The following RRN3 variants were observed in gnomAD, a reference collection of about 807,000 sequenced individuals.
RRN3 encodes the protein RNA polymerase I transcription factor RRN3.
A neutral mutation model predicts 82.3 loss-of-function variants in RRN3; 38 were observed. The observed-to-expected ratio is 0.46, with a 90% CI of 0.36 to 0.61. The LOEUF (loss-of-function observed/expected upper bound fraction) is 0.61, where lower values mean the gene tolerates loss of function less well. Ranked by LOEUF, RRN3 falls within the 20% of genes least tolerant of loss-of-function variation. The pLI is 0.00. For missense variants in RRN3, 726 were observed against 793.1 expected (o/e 0.92, Z 1.02); for synonymous variants, 284 against 284.3 (o/e 1.00, Z 0.01).
chr16:15,092,450 C>T, intron 2 of RRN3, 59 bp downstream of exon 2: 2 of 1,002,636 alleles, frequency 2.0e-6, no homozygotes, highest in Non-Finnish European at 3.2e-6. Flanking sequence ...TTTAGTATAA[C>T]AGCAATAGTT....
At chr16:15,094,116 TA>T in intron 1 of RRN3, 28 bp downstream of exon 1, 1 of 1,566,532 alleles carries the variant, frequency 6.4e-7, no homozygotes, top group Non-Finnish European at 8.7e-7. Flanking sequence ...TCGTCCCAGA[TA>T]CGCAGAAGGA....
At chr16:15,071,355 C>T in intron 12 of RRN3, 104 bp from the exon 13 acceptor site, 3 of 1,075,308 alleles carry the variant, frequency 2.8e-6, no homozygotes, top group South Asian at 3.2e-5. Flanking sequence ...AAAAGTTCTA[C>T]TATCTCATAA....
intron 1 of RRN3, chr16:15,093,837 G>T (rs1598030329): frequency 2.3e-6 from 1 of 426,648 alleles, no homozygotes; most frequent in Non-Finnish European, 4.2e-6. Flanking sequence ...TCCAAATTTG[G>T]ACGAAGAAGA....
In RRN3 at chr16:15,073,015, G is replaced by A. The variant is rs761752259; in HGVS notation, c.1063C>T (p.Leu355=). The A allele has an allele frequency of 3.3e-5, 53 of 1,613,302 alleles. No homozygotes were observed. The highest frequency in any genetic ancestry group is 4.2e-5 in the Non-Finnish European group (49 of 1,179,854). ...TGGCAGGAGGCATGGGTGGGCAACA[G>A]GAGTTTGTCAAAGATGTTTATCAGG... The part of the protein sequence containing the change: ...RDLINIFDKL[L]LPTHASCHVQ... Residue 355 remains leucine, a synonymous_variant, in exon 12 of 18, where the codon CTG becomes TTG. Coordinates refer to ENST00000198767, the MANE Select transcript of RRN3 (RefSeq NM_018427.5).
chr16:15,084,200 C>A (rs1250865785), intron 7 of RRN3, among the ~76,000 whole-genome samples: 1 of 152,144 alleles, frequency 6.6e-6, no homozygotes, highest in African/African-American at 2.4e-5. Context: ...AAGAAAAAAT[C>A]ATCAAGTTGG....
intron 14 of RRN3, among the ~76,000 whole-genome samples, chr16:15,069,237 C>T (rs1194763250): frequency 6.6e-6 from 1 of 152,062 alleles, no homozygotes; most frequent in Non-Finnish European, 1.5e-5. Context: ...TGGTCGGGGA[C>T]TGCTGTTGGC....
intron 12 of RRN3, among the ~76,000 whole-genome samples, chr16:15,072,691 G>A (rs1469775651): frequency 1.3e-5 from 2 of 152,138 alleles, no homozygotes; most frequent in Non-Finnish European, 2.9e-5. Flanking sequence ...CAGCTATCGA[G>A]AGGGTAAGGA....
chr16:15,072,872 G>A (rs1177701851), intron 12 of RRN3, 78 bp downstream of exon 12: 12 of 1,434,482 alleles, frequency 8.4e-6, no homozygotes, highest in African/African-American at 5.7e-5. Context: ...CATGGTCTCC[G>A]TCCACCCCAG....
At chr16:15,080,384 TAA>T (rs2045648620) in intron 8 of RRN3, among the ~76,000 whole-genome samples, 1 of 152,244 alleles carries the variant, frequency 6.6e-6, no homozygotes, top group African/African-American at 2.4e-5. Flanking sequence ...GTATACAATT[TAA>T]GTTTTTAATA....
In RRN3 at chr16:15,067,002, G is replaced by C. The variant is rs1323207468; in HGVS notation, c.1553+1167C>G. Among the ~76,000 whole-genome samples, 3 of 149,934 alleles carry C rather than the reference G, an allele frequency of 2.0e-5. 1 individual carries two copies. Among genetic ancestry groups the C allele is most frequent in the Admixed American group, 6.7e-5 (1 of 14,952 alleles). ...TACCAGGGGCAGCGGCCTCTGCTTT[G>C]CTTCATCCATCCTCACTCTTTGAGC... On this transcript the variant is annotated intron_variant, in intron 15 of 17. Coordinates refer to ENST00000198767, the MANE Select transcript of RRN3 (RefSeq NM_018427.5).
At chr16:15,088,398 T>G (rs1210097852) in intron 3 of RRN3, among the ~76,000 whole-genome samples, 2 of 151,492 alleles carry the variant, frequency 1.3e-5, no homozygotes, top group Non-Finnish European at 2.9e-5. Context: ...GCCTGGGAGG[T>G]TGAGGCTGCA....
intron 8 of RRN3, 107 bp from the exon 9 acceptor site, chr16:15,080,203 G>GA (rs1437514149): frequency 5.9e-6 from 8 of 1,356,226 alleles, no homozygotes; most frequent in South Asian, 4.8e-5. Context: ...TATTTAAAAA[G>GA]AAAAAAACAG....
At chr16:15,083,248 A>T (rs1567214777) in intron 8 of RRN3, among the ~76,000 whole-genome samples, 1 of 151,976 alleles carries the variant, frequency 6.6e-6, no homozygotes, top group African/African-American at 2.4e-5. Context: ...AAAATACAAA[A>T]ATTAGCTGGG....
At chr16:15,068,308 A>G in intron 14 of RRN3, 31 bp from the exon 15 acceptor site, 1 of 1,564,872 alleles carries the variant, frequency 6.4e-7, no homozygotes, top group Admixed American at 2.1e-5. Flanking sequence ...AGATTTTTTT[A>G]AAGGTACAAA....
At chr16:15,071,960 C>T (rs946182380) in intron 12 of RRN3, among the ~76,000 whole-genome samples, 1 of 152,148 alleles carries the variant, frequency 6.6e-6, no homozygotes, top group African/African-American at 2.4e-5. Context: ...GTGCAAAGCA[C>T]CTTCCGGTCT....
chr16:15,092,962 T>C (rs935840982), intron 1 of RRN3, among the ~76,000 whole-genome samples: 2 of 152,170 alleles, frequency 1.3e-5, no homozygotes, highest in Non-Finnish European at 2.9e-5. Context: ...TTTCACTTAC[T>C]GTTCACTCTA....
At chr16:15,083,797 A>C (rs1597974183) in intron 7 of RRN3, 1 of 457,846 alleles carries the variant, frequency 2.2e-6, no homozygotes, top group Non-Finnish European at 3.9e-6. Flanking sequence ...GCTCACTGCA[A>C]CCTCCGCCTC....
intron 11 of RRN3, among the ~76,000 whole-genome samples, chr16:15,073,372 G>A (rs76056577): frequency 2.2e-4 from 34 of 152,270 alleles, no homozygotes; most frequent in Middle Eastern, 3.4e-3. Context: ...CGGATGAACC[G>A]CTTGAGCCCA....
At chr16:15,077,725 C>T (rs2045522980) in intron 9 of RRN3, among the ~76,000 whole-genome samples, 1 of 152,196 alleles carries the variant, frequency 6.6e-6, no homozygotes, top group Non-Finnish European at 1.5e-5. Flanking sequence ...CCTGTAATCC[C>T]AGCTAATCAG....
Sources: gnomAD v4.1 joint callset for allele counts (sites outside exome capture counted in the v4.1 genomes callset) on GRCh38, gnomAD v4.1.1 for gene constraint, MANE v1.5 for transcripts, NCBI Gene and HGNC (gene_info 2026-07-23, HGNC 2026-07-21) for gene names.